Variants in TAFA4 observed in about 807,000 individuals in gnomAD.
TAFA4 encodes chemokine-like protein TAFA-4.
TAFA4 carries 20 observed loss-of-function variants against 21.1 expected under a neutral mutation model. The ratio of observed to expected loss-of-function variants is 0.95; its 90% CI spans 0.67 to 1.38. The LOEUF (loss-of-function observed/expected upper bound fraction) is 1.38. TAFA4 is among the 40% of genes most tolerant of loss of function. The probability of loss-of-function intolerance (pLI) is 0.00; values close to 1 mark genes in which losing one functional copy is unlikely to be tolerated. For synonymous variants in TAFA4, 71 were observed against 67.4 expected, an observed-to-expected ratio of 1.05 and a Z score of -0.26; for missense variants, 211 against 180.9, an observed-to-expected ratio of 1.17 and a Z score of -0.95.
chr3:68,914,829 T>A (rs1452152489), intron 1 of TAFA4, among the ~76,000 whole-genome samples: 2 of 152,176 alleles, frequency 1.3e-5, no homozygotes, highest in Admixed American at 6.5e-5. Context: ...CCCTGTAAAC[T>A]GAGAATCGTG....
intron 1 of TAFA4, 122 bp from the exon 2 acceptor site, chr3:68,885,432 G>T (rs62256110): frequency 0.33 from 172,841 of 518,540 alleles, 32,423 homozygotes; most frequent in Middle Eastern, 0.41. Flanking sequence ...CAGGCAAGTG[G>T]CAGACAGCCA....
At chr3:68,865,039 A>G (rs1169555583) in intron 3 of TAFA4, among the ~76,000 whole-genome samples, 1 of 152,102 alleles carries the variant, frequency 6.6e-6, no homozygotes, top group African/African-American at 2.4e-5. Flanking sequence ...TATTATTAAG[A>G]TGGTTTCATG....
chr3:68,854,606 C>A (rs1020966759), intron 3 of TAFA4, among the ~76,000 whole-genome samples: 1 of 151,632 alleles, frequency 6.6e-6, no homozygotes, highest in Non-Finnish European at 1.5e-5. Context: ...ATGGTTAAAG[C>A]CTTACCAATT....
At chr3:68,772,382 G>A (rs1702974163) in intron 3 of TAFA4, among the ~76,000 whole-genome samples, 1 of 152,202 alleles carries the variant, frequency 6.6e-6, no homozygotes, top group Non-Finnish European at 1.5e-5. Context: ...TCAGTGGACT[G>A]AGTAGGGAAG....
At chr3:68,837,920 A>G (rs1315380255) in intron 3 of TAFA4, among the ~76,000 whole-genome samples, 1 of 152,098 alleles carries the variant, frequency 6.6e-6, no homozygotes, top group African/African-American at 2.4e-5. Flanking sequence ...TATCTATGGT[A>G]TACAACATTA....
rs373027672 is a variant in TAFA4, at chr3:68,829,673, G to A, written c.130+51057C>T. On this transcript the variant is annotated intron_variant, in intron 3 of 5. Transcript: ENST00000295569. ...TCTTTTTCTGTTGGGTCTCTGCCAGGCTTTGGTATCAGGATGATGCTGGCC... is the reference window on the plus strand; with the variant it reads ...TCTTTTTCTGTTGGGTCTCTGCCAGACTTTGGTATCAGGATGATGCTGGCC... Among the ~76,000 whole-genome samples, 38 of 152,274 alleles carry A rather than the reference G, an allele frequency of 2.5e-4. No homozygotes were observed. In the East Asian group the frequency reaches 7.3e-3, roughly 29 times the overall value.
chr3:68,750,061 T>G (rs896305323), intron 4 of TAFA4, among the ~76,000 whole-genome samples: 1 of 152,238 alleles, frequency 6.6e-6, no homozygotes, highest in African/African-American at 2.4e-5. Flanking sequence ...TCACTGATCC[T>G]GTGACACTAG....
intron 1 of TAFA4, among the ~76,000 whole-genome samples, chr3:68,901,222 C>T (rs1241532081): frequency 6.6e-6 from 1 of 152,058 alleles, no homozygotes; most frequent in African/African-American, 2.4e-5. Flanking sequence ...ATCCAGGTCC[C>T]TGAAGGTCAT....
chr3:68,873,330 G>GCAGA, intron 3 of TAFA4, among the ~76,000 whole-genome samples: 1 of 68,676 alleles, frequency 1.5e-5, no homozygotes, highest in Non-Finnish European at 3.1e-5. Context: ...ACAGACACAC[G>GCAGA]CAGACATACA....
At chr3:68,760,091 T>C (rs2106764741) in intron 3 of TAFA4, among the ~76,000 whole-genome samples, 1 of 152,294 alleles carries the variant, frequency 6.6e-6, no homozygotes, top group Middle Eastern at 3.4e-3. Context: ...CTTAAAATAC[T>C]GGCAGGGCTG....
chr3:68,742,653 T>A (rs1415509801), intron 4 of TAFA4, among the ~76,000 whole-genome samples: 2 of 152,194 alleles, frequency 1.3e-5, no homozygotes, highest in Non-Finnish European at 2.9e-5. Flanking sequence ...CCCTCACCTA[T>A]CTCAAATTAC....
At chr3:68,866,361 A>G (rs3969096) in intron 3 of TAFA4, among the ~76,000 whole-genome samples, 1 of 151,982 alleles carries the variant, frequency 6.6e-6, no homozygotes, top group Non-Finnish European at 1.5e-5. Flanking sequence ...GGCTTCAGGC[A>G]CCATCTAGTG....
chr3:68,928,454 A>G (rs2090129451), intron 1 of TAFA4, among the ~76,000 whole-genome samples: 1 of 152,194 alleles, frequency 6.6e-6, no homozygotes, highest in Non-Finnish European at 1.5e-5. Flanking sequence ...TTCTTTCACA[A>G]ATAAACCATA....
At chr3:68,772,707 A>G (rs893597105) in intron 3 of TAFA4, among the ~76,000 whole-genome samples, 4 of 152,160 alleles carry the variant, frequency 2.6e-5, no homozygotes, top group African/African-American at 9.7e-5. Context: ...CTGGATGGGT[A>G]GAGGGAGGGG....
intron 3 of TAFA4, among the ~76,000 whole-genome samples, chr3:68,787,104 A>G (rs1703275768): frequency 6.6e-6 from 1 of 152,224 alleles, no homozygotes; most frequent in Non-Finnish European, 1.5e-5. Context: ...CAGGAGCCTC[A>G]TAATTAAAGA....
At chr3:68,914,534 G>T (rs2089986586) in intron 1 of TAFA4, among the ~76,000 whole-genome samples, 1 of 151,656 alleles carries the variant, frequency 6.6e-6, no homozygotes, top group Admixed American at 6.6e-5. Context: ...TGTAAAGTTA[G>T]TAACTAAGAG....
intron 3 of TAFA4, among the ~76,000 whole-genome samples, chr3:68,865,876 G>A (rs1241856048): frequency 1.3e-5 from 2 of 152,110 alleles, no homozygotes; most frequent in South Asian, 2.1e-4. Flanking sequence ...CAGATGGTAA[G>A]AGAAATGGAC....
chr3:68,809,669 T>C (rs1022392689), intron 3 of TAFA4, among the ~76,000 whole-genome samples: 4 of 151,948 alleles, frequency 2.6e-5, no homozygotes, highest in African/African-American at 4.8e-5. Context: ...CCCCGTTTTT[T>C]CTTCTAGCAG....
chr3:68,907,742 C>A (rs1014702655), intron 1 of TAFA4, among the ~76,000 whole-genome samples: 8 of 152,190 alleles, frequency 5.3e-5, no homozygotes, highest in Admixed American at 2.6e-4. Flanking sequence ...CCAGGCTACT[C>A]ATGGCATGAA....
Sources: gnomAD v4.1 joint callset for allele counts (sites outside exome capture counted in the v4.1 genomes callset) on GRCh38, gnomAD v4.1.1 for gene constraint, MANE v1.5 for transcripts, NCBI Gene and HGNC (gene_info 2026-07-23, HGNC 2026-07-21) for gene names.